SMYD3: variants seen among roughly 807,000 people sequenced by gnomAD.
The protein encoded by SMYD3 is histone-lysine N-methyltransferase SMYD3.
SMYD3 carries 36 observed loss-of-function variants against 57.7 expected under a neutral mutation model. That is an observed-to-expected ratio of 0.62 (90% confidence interval 0.48 to 0.82). SMYD3 has a LOEUF of 0.82. Among genes scored for constraint, SMYD3 ranks in the 40% least tolerant of loss-of-function variants. The pLI, the probability that SMYD3 is intolerant of heterozygous loss-of-function variation, is 0.00. For missense variants in SMYD3, 515 were observed against 538.8 expected (o/e 0.96, Z 0.44); for synonymous variants, 211 against 195.0 (o/e 1.08, Z -0.68).
chr1:246,360,237 T>C (rs1283774033), intron 1 of SMYD3, among the ~76,000 whole-genome samples: 1 of 151,820 alleles, frequency 6.6e-6, no homozygotes, highest in Non-Finnish European at 1.5e-5. Flanking sequence ...TAAAATAAAA[T>C]AAAATACTTA....
At chr1:246,232,282 G>A (rs1273922336) in intron 5 of SMYD3, among the ~76,000 whole-genome samples, 2 of 152,174 alleles carry the variant, frequency 1.3e-5, no homozygotes, top group Non-Finnish European at 1.5e-5. Context: ...ACATAATACT[G>A]TAACCACGGA....
intron 5 of SMYD3, among the ~76,000 whole-genome samples, chr1:245,977,301 A>G (rs1558551908): frequency 6.6e-6 from 1 of 152,202 alleles, no homozygotes; most frequent in Non-Finnish European, 1.5e-5. Flanking sequence ...ACCACACAAC[A>G]GCCATCCCCA....
intron 5 of SMYD3, among the ~76,000 whole-genome samples, chr1:246,038,628 A>G (rs982256751): frequency 2.6e-5 from 4 of 152,192 alleles, no homozygotes; most frequent in Non-Finnish European, 4.4e-5. Flanking sequence ...ATCGCTGTAT[A>G]AAAATTTCAC....
intron 10 of SMYD3, among the ~76,000 whole-genome samples, chr1:245,837,692 G>A (rs1341175981): frequency 2.0e-5 from 3 of 152,134 alleles, no homozygotes; most frequent in African/African-American, 7.2e-5. Context: ...TAGGTGCCGG[G>A]AGGTCTTTGG....
At position 246,423,036 on chromosome 1, in the gene SMYD3, G is replaced by T. The variant is rs758235279; in HGVS notation, c.165-67942C>A. The stretch of plus-strand genomic sequence containing the variant: ...GAGATGACCCGGCGCAGTGGCTCAG[G>T]CATATAATTCCAATCACTTTGGGAG... On this transcript the variant is annotated intron_variant, in intron 1 of 11. Transcript: ENST00000490107. 8.3e-4 allele frequency among the ~76,000 whole-genome samples: 126 copies of T among 152,292 alleles called. 1 individual carries two copies. The highest frequency in any genetic ancestry group is 1.5e-3 in the South Asian group (7 of 4,822).
At chr1:246,030,280 C>T (rs575965430) in intron 5 of SMYD3, among the ~76,000 whole-genome samples, 3 of 152,168 alleles carry the variant, frequency 2.0e-5, no homozygotes, top group Non-Finnish European at 2.9e-5. Context: ...CAGGAATGAG[C>T]CCGAAGGACA....
At chr1:245,843,535 T>TAC (rs1344596228) in intron 10 of SMYD3, among the ~76,000 whole-genome samples, 1 of 86,650 alleles carries the variant, frequency 1.2e-5, no homozygotes, top group Non-Finnish European at 2.0e-5. Context: ...AATGTGTATA[T>TAC]ATATATGTGT....
chr1:246,273,061 G>A (rs1249309671), intron 5 of SMYD3, among the ~76,000 whole-genome samples: 1 of 140,786 alleles, frequency 7.1e-6, no homozygotes, highest in African/African-American at 3.0e-5. Context: ...TCAATTTGTT[G>A]TCATACAACT....
At chr1:245,950,950 T>A (rs557602135) in intron 5 of SMYD3, among the ~76,000 whole-genome samples, 1 of 152,312 alleles carries the variant, frequency 6.6e-6, no homozygotes, top group Admixed American at 6.5e-5. Flanking sequence ...TTCACAGTCA[T>A]TCATCATTAG....
intron 1 of SMYD3, among the ~76,000 whole-genome samples, chr1:246,481,621 T>TATATATATATATATATATATACACAC (rs1307881494): frequency 4.1e-5 from 4 of 98,556 alleles, no homozygotes; most frequent in African/African-American, 1.5e-4. Context: ...CATACATATA[T>TATATATATATATATATATATACACAC]ACATACATAC....
intron 7 of SMYD3, among the ~76,000 whole-genome samples, chr1:245,916,298 A>C (rs1433826061): frequency 6.6e-6 from 1 of 152,150 alleles, no homozygotes; most frequent in Non-Finnish European, 1.5e-5. Flanking sequence ...AAGGGTTATA[A>C]ATGAGAGGAT....
intron 5 of SMYD3, among the ~76,000 whole-genome samples, chr1:246,003,270 G>A (rs1249076811): frequency 1.3e-5 from 2 of 152,212 alleles, no homozygotes; most frequent in Non-Finnish European, 2.9e-5. Context: ...ACAGAAGGTT[G>A]TCATCTGCTT....
At chr1:245,753,381 G>A (rs574759481) in intron 11 of SMYD3, among the ~76,000 whole-genome samples, 77 of 152,192 alleles carry the variant, frequency 5.1e-4, no homozygotes, top group African/African-American at 1.8e-3. Context: ...AGAGAAAAAC[G>A]AGAAGAAAGA....
intron 5 of SMYD3, among the ~76,000 whole-genome samples, chr1:246,213,990 AC>A (rs2063126528): frequency 6.6e-6 from 1 of 152,152 alleles, no homozygotes; most frequent in South Asian, 2.1e-4. Flanking sequence ...CTCTCTCGTA[AC>A]ACCAAAAGCT....
chr1:246,106,266 C>T (rs6681900), intron 5 of SMYD3, among the ~76,000 whole-genome samples: 24,701 of 151,998 alleles, frequency 0.16, 3,569 homozygotes, highest in African/African-American at 0.39. Context: ...CAAAAGACCA[C>T]GACGGCAGCA....
rs537410189 is a variant in SMYD3 at position 246,384,403 on chromosome 1, T to G, written c.165-29309A>C. ...ATTAGATTATATTTAGAAACAGAAT[T>G]TTTTTTTTTTGAGACAGAGTCTCAC... is the stretch of plus-strand genomic sequence containing the variant. On this transcript the variant is annotated intron_variant, in intron 1 of 11. Coordinates refer to ENST00000490107, the MANE Select transcript of SMYD3 (RefSeq NM_001167740.2). Among the ~76,000 whole-genome samples, 6 of 150,414 alleles carry G rather than the reference T, an allele frequency of 4.0e-5. No individual in the cohort carries two copies. The South Asian group carries it at 1.3e-3, about 32-fold the overall frequency.
chr1:246,262,252 A>G (rs775542518), intron 5 of SMYD3, among the ~76,000 whole-genome samples: 34 of 152,228 alleles, frequency 2.2e-4, no homozygotes, highest in Non-Finnish European at 4.0e-4. Flanking sequence ...CTCAGGCAGA[A>G]TAAAGCAAAT....
chr1:245,933,120 C>T (rs1323459001), intron 5 of SMYD3, among the ~76,000 whole-genome samples: 1 of 152,036 alleles, frequency 6.6e-6, no homozygotes, highest in Non-Finnish European at 1.5e-5. Flanking sequence ...AAAGGAATTG[C>T]TCTTTATATC....
At chr1:246,095,594 G>A (rs2060900298) in intron 5 of SMYD3, among the ~76,000 whole-genome samples, 1 of 152,198 alleles carries the variant, frequency 6.6e-6, no homozygotes, top group African/African-American at 2.4e-5. Context: ...CACAAGGAAA[G>A]GGCAGGCTGA....
Sources: allele counts gnomAD v4.1 joint callset (sites outside exome capture counted in the v4.1 genomes callset), GRCh38; gene constraint gnomAD v4.1.1; transcripts MANE v1.5; gene names NCBI Gene and HGNC (gene_info 2026-07-23, HGNC 2026-07-21).